The following TTLL5 variants were observed in gnomAD, a reference collection of about 807,000 sequenced individuals.
The protein encoded by TTLL5 is tubulin tyrosine ligase like 5.
Under a neutral mutation model 168.4 loss-of-function variants are expected in TTLL5, and 132 were observed. The observed-to-expected ratio is 0.78, with a 90% CI of 0.68 to 0.91. TTLL5 has a LOEUF of 0.91. Ranked by LOEUF, TTLL5 falls within the 40% of genes least tolerant of loss-of-function variation. TTLL5 has a pLI of 0.00. For synonymous variants in TTLL5, 546 were observed against 558.6 expected (o/e 0.98, Z 0.32); for missense variants, 1,545 against 1,581.5 (o/e 0.98, Z 0.39).
chr14:75,795,417 G>T (rs1184256525), intron 27 of TTLL5, among the ~76,000 whole-genome samples: 8 of 152,080 alleles, frequency 5.3e-5, no homozygotes, highest in Admixed American at 3.3e-4. Flanking sequence ...TATTTATGGG[G>T]TACATACGAT....
At chr14:75,770,370 C>A (rs1022522159) in intron 20 of TTLL5, among the ~76,000 whole-genome samples, 3 of 152,206 alleles carry the variant, frequency 2.0e-5, no homozygotes, top group East Asian at 1.9e-4. Flanking sequence ...AATTCTCCAA[C>A]ATACACATGG....
chr14:75,710,664 T>C (rs1400715473), intron 9 of TTLL5: 1 of 152,250 alleles, frequency 6.6e-6, no homozygotes, highest in African/African-American at 2.4e-5. Context: ...GTAATTTCAA[T>C]GTGCCTAAGT....
rs573818591 is a variant in TTLL5 at position 75,886,585 on chromosome 14, T to G, written c.3740+3683T>G. 2.0e-4 allele frequency: 245 copies of G among 1,214,324 alleles called. No individual in the cohort carries two copies. In the African/African-American group the frequency reaches 3.6e-3, roughly 18 times the overall value. 75.2% of individuals were successfully genotyped at this position (1,214,324 alleles called of 1,614,324 possible). On this transcript the variant is annotated intron_variant, in intron 30 of 31. Coordinates refer to ENST00000298832, the MANE Select transcript of TTLL5 (RefSeq NM_015072.5). ...TACTTGTATTTCATTTAGCTAAATCTCATTTGTCAGTTCTGTGAAGGGAAT... is the reference window on the plus strand; with the variant it reads ...TACTTGTATTTCATTTAGCTAAATCGCATTTGTCAGTTCTGTGAAGGGAAT...
chr14:75,825,094 C>T (rs957376580), intron 28 of TTLL5, among the ~76,000 whole-genome samples: 3 of 152,122 alleles, frequency 2.0e-5, no homozygotes, highest in African/African-American at 7.2e-5. Flanking sequence ...AAACCCACCT[C>T]ATTAAGTTGT....
chr14:75,673,792 C>T (rs1410259028), intron 3 of TTLL5, among the ~76,000 whole-genome samples: 1 of 152,140 alleles, frequency 6.6e-6, no homozygotes, highest in East Asian at 1.9e-4. Context: ...GGATTTGAAT[C>T]CTCCTTCCTC....
intron 18 of TTLL5, among the ~76,000 whole-genome samples, chr14:75,764,338 C>G (rs1373143651): frequency 6.6e-6 from 1 of 152,130 alleles, no homozygotes; most frequent in South Asian, 2.1e-4. Context: ...ACTTTATAAT[C>G]CCTGCAGTAA....
intron 3 of TTLL5, among the ~76,000 whole-genome samples, chr14:75,678,866 C>A (rs188702208): frequency 2.0e-5 from 3 of 152,292 alleles, no homozygotes; most frequent in African/African-American, 7.2e-5. Flanking sequence ...TTGTTATAAG[C>A]ATTCTCTGGT....
At chr14:75,877,883 T>A (rs1052324359) in intron 29 of TTLL5, among the ~76,000 whole-genome samples, 8 of 152,356 alleles carry the variant, frequency 5.3e-5, no homozygotes, top group African/African-American at 1.9e-4. Flanking sequence ...CAACCATTTA[T>A]ATGTCTGCTT....
intron 28 of TTLL5, among the ~76,000 whole-genome samples, chr14:75,826,039 A>G (rs1236923655): frequency 6.6e-6 from 1 of 151,846 alleles, no homozygotes; most frequent in African/African-American, 2.4e-5. Context: ...AACGTTGGGA[A>G]GCTTAGGAAA....
At chr14:75,952,408 TGG>T (rs2034989126) in intron 31 of TTLL5, among the ~76,000 whole-genome samples, 1 of 152,246 alleles carries the variant, frequency 6.6e-6, no homozygotes, top group Non-Finnish European at 1.5e-5. Context: ...CATGCACTGT[TGG>T]GAGGGATGTA....
At chr14:75,766,772 A>T (rs757226821) in intron 20 of TTLL5, among the ~76,000 whole-genome samples, 2 of 152,146 alleles carry the variant, frequency 1.3e-5, no homozygotes, top group African/African-American at 2.4e-5. Flanking sequence ...GGCATTATGG[A>T]TGAGGGAAAA....
In TTLL5 at chr14:75,922,532, G is replaced by A. The variant is rs926964396; in HGVS notation, c.3823+20308G>A. Reference sequence around the variant, plus strand: ...TGGTTCTGTTTATGTGATGGATTACGTTTGTTGATTTGCGTATGTTGAACC... The same window carrying A: ...TGGTTCTGTTTATGTGATGGATTACATTTGTTGATTTGCGTATGTTGAACC... On this transcript the variant is annotated intron_variant, in intron 31 of 31. Coordinates refer to ENST00000298832, the MANE Select transcript of TTLL5 (RefSeq NM_015072.5). 8.5e-5 allele frequency among the ~76,000 whole-genome samples: 13 copies of A among 152,164 alleles called. 1 individual carries two copies. The South Asian group carries it at 1.0e-3, about 12-fold the overall frequency.
chr14:75,907,434 C>G (rs2033190027), intron 31 of TTLL5, among the ~76,000 whole-genome samples: 1 of 152,194 alleles, frequency 6.6e-6, no homozygotes, highest in Non-Finnish European at 1.5e-5. Flanking sequence ...TTCTGCCCTA[C>G]ACACTGATGC....
chr14:75,810,336 C>T (rs1475992523), intron 27 of TTLL5, among the ~76,000 whole-genome samples: 1 of 151,772 alleles, frequency 6.6e-6, no homozygotes, highest in Non-Finnish European at 1.5e-5. Context: ...ACTAAATCAT[C>T]TTCTCTCTCT....
intron 28 of TTLL5, among the ~76,000 whole-genome samples, chr14:75,827,657 A>T (rs1383145687): frequency 6.9e-6 from 1 of 144,580 alleles, no homozygotes; most frequent in Non-Finnish European, 1.5e-5. Context: ...GCTAAGATTC[A>T]TATTAATTTC....
At chr14:75,794,379 AG>A (rs1157825901) in intron 27 of TTLL5, among the ~76,000 whole-genome samples, 1 of 151,846 alleles carries the variant, frequency 6.6e-6, no homozygotes, top group Non-Finnish European at 1.5e-5. Context: ...GTCACTAACT[AG>A]ATTATATGTT....
intron 28 of TTLL5, among the ~76,000 whole-genome samples, chr14:75,832,304 T>C (rs1391807176): frequency 6.6e-6 from 1 of 152,214 alleles, no homozygotes; most frequent in African/African-American, 2.4e-5. Flanking sequence ...CCCTGCCTTC[T>C]TAGTAATCCC....
intron 19 of TTLL5, 140 bp downstream of exon 19, chr14:75,764,912 T>A (rs1350446499): frequency 1.1e-5 from 11 of 983,784 alleles, no homozygotes; most frequent in Non-Finnish European, 1.6e-5. Flanking sequence ...TCTCTGAAAC[T>A]TAATTTCAAC....
chr14:75,866,042 G>A (rs918179130), intron 29 of TTLL5, among the ~76,000 whole-genome samples: 1 of 152,340 alleles, frequency 6.6e-6, no homozygotes, highest in East Asian at 1.9e-4. Context: ...GACTGTAGGA[G>A]AGAGCTAAAG....
Sources: gnomAD v4.1 joint callset for allele counts (sites outside exome capture counted in the v4.1 genomes callset) on GRCh38, gnomAD v4.1.1 for gene constraint, MANE v1.5 for transcripts, NCBI Gene and HGNC (gene_info 2026-07-23, HGNC 2026-07-21) for gene names.